The following RGS10 variants were observed in gnomAD, a reference collection of about 807,000 sequenced individuals.
RGS10 encodes the protein regulator of G-protein signalling 10.
RGS10 carries 11 observed loss-of-function variants against 23.5 expected under a neutral mutation model. That is an observed-to-expected ratio of 0.47 (90% confidence interval 0.29 to 0.77). The LOEUF (loss-of-function observed/expected upper bound fraction) is 0.77, where lower values mean the gene tolerates loss of function less well. Ranked by LOEUF, RGS10 falls within the 30% of genes least tolerant of loss-of-function variation. RGS10 has a pLI of 0.08. For synonymous variants in RGS10, 77 were observed against 83.2 expected (o/e 0.92, Z 0.41); for missense variants, 180 against 226.3 (o/e 0.80, Z 1.31).
chr10:119,513,493 T>C (rs1421049727), intron 4 of RGS10, among the ~76,000 whole-genome samples: 4 of 150,274 alleles, frequency 2.7e-5, no homozygotes, highest in African/African-American at 9.7e-5. Flanking sequence ...TAAATAAAAT[T>C]CTTTGTCATT....
chr10:119,526,390 C>T (rs1020629825), intron 2 of RGS10, among the ~76,000 whole-genome samples: 22 of 152,242 alleles, frequency 1.4e-4, no homozygotes, highest in Admixed American at 8.5e-4. Flanking sequence ...CAATAAATTA[C>T]CAAAAAGTAA....
At chr10:119,506,572 T>C (rs1441702494) in intron 4 of RGS10, among the ~76,000 whole-genome samples, 2 of 152,178 alleles carry the variant, frequency 1.3e-5, no homozygotes, top group East Asian at 3.8e-4. Flanking sequence ...CGATTCAAAT[T>C]CCAGGCCCAA....
intron 1 of RGS10, chr10:119,536,401 C>T (rs1844387245): frequency 6.6e-7 from 1 of 1,504,132 alleles, no homozygotes; most frequent in Non-Finnish European, 9.2e-7. Flanking sequence ...AGCCCCTGCC[C>T]CGCCCAGGGC....
At chr10:119,503,368 A>G (rs1465974260) in intron 4 of RGS10, among the ~76,000 whole-genome samples, 1 of 151,982 alleles carries the variant, frequency 6.6e-6, no homozygotes, top group Non-Finnish European at 1.5e-5. Flanking sequence ...GAATGCACCT[A>G]AAACTTTCTT....
chr10:119,502,600 AG>A (rs1195983657), intron 4 of RGS10, among the ~76,000 whole-genome samples: 1 of 151,806 alleles, frequency 6.6e-6, no homozygotes, highest in African/African-American at 2.4e-5. Flanking sequence ...GCAGAGGAGG[AG>A]GGGGAGGGAA....
intron 4 of RGS10, among the ~76,000 whole-genome samples, chr10:119,512,009 A>G (rs1844081409): frequency 6.6e-6 from 1 of 152,230 alleles, no homozygotes; most frequent in African/African-American, 2.4e-5. Context: ...AACAGGGTGC[A>G]TGGGAGTTGG....
intron 1 of RGS10, chr10:119,536,526 G>C (rs764160754): frequency 1.9e-6 from 3 of 1,603,924 alleles, no homozygotes; most frequent in Non-Finnish European, 2.6e-6. Flanking sequence ...TGCCTTCCCA[G>C]AGACGCCTTG....
intron 4 of RGS10, among the ~76,000 whole-genome samples, chr10:119,507,869 T>G (rs1442497046): frequency 6.6e-6 from 1 of 151,974 alleles, no homozygotes; most frequent in Non-Finnish European, 1.5e-5. Flanking sequence ...CCATTTTTTT[T>G]GTAAGCACCA....
intron 1 of RGS10, among the ~76,000 whole-genome samples, chr10:119,528,399 A>T (rs1190117475): frequency 2.0e-5 from 3 of 152,174 alleles, no homozygotes; most frequent in African/African-American, 7.2e-5. Flanking sequence ...AAATACCCAA[A>T]TTTTAAATAA....
intron 1 of RGS10, among the ~76,000 whole-genome samples, chr10:119,530,305 G>A (rs1400176219): frequency 6.6e-6 from 1 of 152,158 alleles, no homozygotes; most frequent in African/African-American, 2.4e-5. Flanking sequence ...CAAAATACAT[G>A]TTGACTTCTT....
intron 1 of RGS10, among the ~76,000 whole-genome samples, chr10:119,530,640 C>T (rs986701010): frequency 6.6e-6 from 1 of 152,200 alleles, no homozygotes; most frequent in Non-Finnish European, 1.5e-5. Flanking sequence ...GCCTGGGCAA[C>T]ATAGTGAAAT....
chr10:119,523,489 AC>A (rs201105066), intron 3 of RGS10, among the ~76,000 whole-genome samples: 8,624 of 152,162 alleles, frequency 0.057, 357 homozygotes, highest in Non-Finnish European at 0.083. Context: ...ACATGGTGAA[AC>A]CCTGTCTCTA....
intron 1 of RGS10, among the ~76,000 whole-genome samples, chr10:119,532,844 C>T (rs1228517097): frequency 6.8e-6 from 1 of 147,756 alleles, no homozygotes; most frequent in South Asian, 2.1e-4. Context: ...CTGTCTCAAA[C>T]AAAACAAAAT....
rs187321757 is a variant in RGS10 at position 119,508,857 on chromosome 10, G to A, written c.399+6652C>T. On this transcript the variant is annotated intron_variant, in intron 4 of 4. Coordinates refer to ENST00000369103, the MANE Select transcript of RGS10 (RefSeq NM_001005339.2). ...ACCTGTAATCACAGCAGCACTTTAG[G>A]AAGCCAAGGCTGGAGGATTGCTTGA... Among the ~76,000 whole-genome samples, 207 of 152,276 alleles carry A rather than the reference G, an allele frequency of 1.4e-3. 2 individuals carry two copies. Among genetic ancestry groups the A allele is most frequent in the South Asian group, 1.5e-3 (7 of 4,826 alleles).
intron 1 of RGS10, among the ~76,000 whole-genome samples, chr10:119,532,726 A>C (rs1367102291): frequency 6.6e-6 from 1 of 152,184 alleles, no homozygotes; most frequent in Non-Finnish European, 1.5e-5. Flanking sequence ...CTGTAATCCC[A>C]GCTACTCGGG....
intron 4 of RGS10, among the ~76,000 whole-genome samples, chr10:119,509,773 A>C (rs1244745893): frequency 6.6e-6 from 1 of 152,208 alleles, no homozygotes; most frequent in African/African-American, 2.4e-5. Flanking sequence ...CCCATGTTAC[A>C]GATGGGGACT....
intron 3 of RGS10, among the ~76,000 whole-genome samples, chr10:119,523,249 C>A (rs1195234786): frequency 6.6e-6 from 1 of 152,178 alleles, no homozygotes; most frequent in Admixed American, 6.5e-5. Flanking sequence ...AGGCCAAACA[C>A]CCCAGGTGTC....
At chr10:119,508,913 A>T (rs1353434642) in intron 4 of RGS10, among the ~76,000 whole-genome samples, 1 of 152,022 alleles carries the variant, frequency 6.6e-6, no homozygotes, top group African/African-American at 2.4e-5. Flanking sequence ...CCTGGGCAAC[A>T]TAGTAAGACC....
intron 3 of RGS10, among the ~76,000 whole-genome samples, chr10:119,520,107 C>G (rs920879109): frequency 2.0e-5 from 3 of 152,226 alleles, no homozygotes; most frequent in African/African-American, 7.2e-5. Context: ...CTCTCCACCC[C>G]GTCTTCTTCC....
Sources: gnomAD v4.1 joint callset for allele counts (sites outside exome capture counted in the v4.1 genomes callset) on GRCh38, gnomAD v4.1.1 for gene constraint, MANE v1.5 for transcripts, NCBI Gene and HGNC (gene_info 2026-07-23, HGNC 2026-07-21) for gene names.